The following DERA variants were observed in gnomAD, a reference collection of about 807,000 sequenced individuals.
DERA encodes 2-deoxy-D-ribose 5-phosphate aldolase.
Under a neutral mutation model 41.1 loss-of-function variants are expected in DERA, and 15 were observed. That is an observed-to-expected ratio of 0.37 (90% CI 0.24 to 0.56). The LOEUF (loss-of-function observed/expected upper bound fraction) is 0.56, where lower values mean the gene tolerates loss of function less well. DERA is among the 20% of genes least tolerant of loss of function. The pLI is 0.81. For missense variants in DERA, 396 were observed against 403.4 expected, an observed-to-expected ratio of 0.98 and a Z score of 0.16; for synonymous variants, 139 against 137.4, an observed-to-expected ratio of 1.01 and a Z score of -0.08.
Position 15,953,206 on chromosome 12 carries a change from T to C in DERA, c.32-3730T>C, listed in dbSNP as rs111754904. Among the ~76,000 whole-genome samples, 358 of 152,322 alleles carry C rather than the reference T, an allele frequency of 2.4e-3. 3 individuals are homozygous for C. Among genetic ancestry groups the C allele is most frequent in the African/African-American group, 8.2e-3 (341 of 41,586 alleles). On this transcript the variant is annotated intron_variant, in intron 1 of 8. Transcript: ENST00000428559. ...TGGATAAGCCTACTGTGACCTACCC[T>C]TCCTCTGAACTTGACTTTTTATCCA...
chr12:16,029,901 T>A (rs986931296), intron 6 of DERA, among the ~76,000 whole-genome samples: 1 of 144,148 alleles, frequency 6.9e-6, no homozygotes, highest in African/African-American at 2.5e-5. Context: ...GACCTCCAAA[T>A]GTAGCCTTGG....
In DERA at chr12:15,941,385, T is replaced by A. The variant is rs575342945; in HGVS notation, c.32-15551T>A. Reference sequence around the variant, plus strand: ...CCGTCTGTAGCCACAATTTTTTTTTTAATTTCAATAGTTTTTGAGGTACAG... The same window carrying A: ...CCGTCTGTAGCCACAATTTTTTTTTAAATTTCAATAGTTTTTGAGGTACAG... On this transcript the variant is annotated intron_variant, in intron 1 of 8. Transcript: ENST00000428559. This position sits in a 1 kb window ranked among gnomAD's most constrained non-coding sequence, Gnocchi z 4.5. 2.7e-4 allele frequency among the ~76,000 whole-genome samples: 41 copies of A among 152,276 alleles called. No homozygotes were observed. The highest frequency in any genetic ancestry group is 5.3e-4 in the African/African-American group (22 of 41,562).
In DERA at chr12:15,993,678, T is replaced by G. The variant is rs1209331472; in HGVS notation, c.637+11242T>G. The stretch of plus-strand genomic sequence containing the variant: ...AAACTAGCCCTGGAAATTAGACTAC[T>G]TATAGGGTGAAAACTAATTAACTTG... On this transcript the variant is annotated intron_variant, in intron 6 of 8. Coordinates refer to ENST00000428559, the MANE Select transcript of DERA (RefSeq NM_015954.4). The surrounding 1 kb of genome is among the most constrained non-coding windows in gnomAD (Gnocchi z 4.4). Among the ~76,000 whole-genome samples, 1 of 152,158 alleles carries G rather than the reference T, an allele frequency of 6.6e-6. No homozygotes were observed. The highest frequency in any genetic ancestry group is 1.5e-5 in the Non-Finnish European group (1 of 68,030).
At chr12:16,025,842 A>G (rs1949049677) in intron 6 of DERA, among the ~76,000 whole-genome samples, 1 of 152,132 alleles carries the variant, frequency 6.6e-6, no homozygotes, top group Non-Finnish European at 1.5e-5. Context: ...TGAAAATCAC[A>G]CAAAATATGT....
At position 15,957,188 on chromosome 12, in the gene DERA, G is replaced by A. The variant is rs1948546850; in HGVS notation, c.129+155G>A. On this transcript the variant is annotated intron_variant, in intron 2 of 8. Coordinates refer to ENST00000428559, the MANE Select transcript of DERA (RefSeq NM_015954.4). The surrounding 1 kb of genome is among the most constrained non-coding windows in gnomAD (Gnocchi z 4.8). ...TTAATAATTCATATATGATGATGAT[G>A]GGTTGGAGAAAGATAACACATTTAT... Among the ~76,000 whole-genome samples, 1 of 152,134 alleles carries A rather than the reference G, an allele frequency of 6.6e-6. No homozygotes were observed.
In DERA at chr12:15,911,821, T is replaced by C; in HGVS notation, c.31+407T>C. On this transcript the variant is annotated intron_variant, in intron 1 of 8. Transcript: ENST00000428559. The surrounding 1 kb of genome is among the most constrained non-coding windows in gnomAD (Gnocchi z 4.5). ...ATACTTGTGTAATTTAATGCAGTAT[T>C]TCCGTAGATAATTTTAACCGTAACC... The C allele has an allele frequency of 2.1e-6, 1 of 473,132 alleles. No individual in the cohort carries two copies. Among genetic ancestry groups the C allele is most frequent in the Non-Finnish European group, 4.2e-6 (1 of 239,426 alleles). 29.3% of individuals were successfully genotyped at this position (473,132 alleles called of 1,614,324 possible). A position where few individuals can be genotyped will look rare whatever the true frequency, so the allele number is the denominator to read the frequency against.
chr12:15,934,553 C>T (rs1948352084), intron 1 of DERA, among the ~76,000 whole-genome samples: 1 of 151,804 alleles, frequency 6.6e-6, no homozygotes, highest in South Asian at 2.1e-4. Flanking sequence ...CGTGCCACTG[C>T]ACTCCAGCCT....
rs975998278 is a variant in DERA at position 15,999,552 on chromosome 12, A to G, written c.637+17116A>G. Among the ~76,000 whole-genome samples the G allele has an allele frequency of 1.3e-5, 2 of 152,190 alleles. No homozygotes were observed. Among genetic ancestry groups the G allele is most frequent in the Admixed American group, 1.3e-4 (2 of 15,284 alleles). ...ATACAGAGAAAGGCATTTTGGGCTG[A>G]GAGTCACTGGCTCTCATAGAGAGAT... On this transcript the variant is annotated intron_variant, in intron 6 of 8. Coordinates refer to ENST00000428559, the MANE Select transcript of DERA (RefSeq NM_015954.4). The surrounding 1 kb of genome is among the most constrained non-coding windows in gnomAD (Gnocchi z 5.3).
chr12:16,034,123 G>C (rs953999400), intron 7 of DERA, among the ~76,000 whole-genome samples: 4 of 152,172 alleles, frequency 2.6e-5, no homozygotes, highest in African/African-American at 7.2e-5. Flanking sequence ...CCCATCCCTG[G>C]TGGTTTTGGG....
rs1948355182 is a variant in DERA at position 15,935,046 on chromosome 12, C to G, written c.32-21890C>G. 6.6e-6 allele frequency among the ~76,000 whole-genome samples: 1 copy of G among 152,084 alleles called. No individual in the cohort carries two copies. The highest frequency in any genetic ancestry group is 6.5e-5 in the Admixed American group (1 of 15,268). ...TTATAGCAAATATTTCCAGAGCTAA[C>G]AAAACTCTTTGGAGGAGAGTTTGGA... is the stretch of plus-strand genomic sequence containing the variant. On this transcript the variant is annotated intron_variant, in intron 1 of 8. Coordinates refer to ENST00000428559, the MANE Select transcript of DERA (RefSeq NM_015954.4). This position sits in a 1 kb window ranked among gnomAD's most constrained non-coding sequence, Gnocchi z 4.8.
At position 15,931,783 on chromosome 12, in the gene DERA, G is replaced by C. The variant is rs768178136; in HGVS notation, c.31+20369G>C. 6.6e-6 allele frequency among the ~76,000 whole-genome samples: 1 copy of C among 152,148 alleles called. No homozygotes were observed. Among genetic ancestry groups the C allele is most frequent in the Non-Finnish European group, 1.5e-5 (1 of 68,026 alleles). On this transcript the variant is annotated intron_variant, in intron 1 of 8. Coordinates refer to ENST00000428559, the MANE Select transcript of DERA (RefSeq NM_015954.4). This position sits in a 1 kb window ranked among gnomAD's most constrained non-coding sequence, Gnocchi z 4.6. ...CTCTGGGGAGGGAGTGGGTGAGTGA[G>C]TTCTTGCTCTCTTGGGAATAGATTA...
chr12:15,946,880 T>G (rs1948454116), intron 1 of DERA, among the ~76,000 whole-genome samples: 1 of 152,248 alleles, frequency 6.6e-6, no homozygotes, highest in African/African-American at 2.4e-5. Flanking sequence ...TAAATTTCAC[T>G]CTACACACTG....
At chr12:15,942,639 C>CTG (rs1246486453) in intron 1 of DERA, among the ~76,000 whole-genome samples, 2 of 152,162 alleles carry the variant, frequency 1.3e-5, no homozygotes, top group Admixed American at 1.3e-4. Flanking sequence ...TCTGAGTACC[C>CTG]TCAGTAATCA....
chr12:15,941,042 GT>G lies in DERA; in HGVS notation c.32-15889del, dbSNP rs2136136193. ...TTTTGTGAGGTCATTGTAACTGATA[GT>G]TTTTGTTGTTGTTGTAGAATTAAAA... On this transcript the variant is annotated intron_variant, in intron 1 of 8. Transcript: ENST00000428559. This position sits in a 1 kb window ranked among gnomAD's most constrained non-coding sequence, Gnocchi z 4.5. Among the ~76,000 whole-genome samples the G allele has an allele frequency of 6.6e-6, 1 of 152,276 alleles. No individual in the cohort carries two copies. Among genetic ancestry groups the G allele is most frequent in the East Asian group, 1.9e-4 (1 of 5,182 alleles).
chr12:15,966,111 G>T lies in DERA; in HGVS notation c.508+3164G>T, dbSNP rs7969219. On this transcript the variant is annotated intron_variant, in intron 5 of 8. Transcript: ENST00000428559. The surrounding 1 kb of genome is among the most constrained non-coding windows in gnomAD (Gnocchi z 5.1). ...AAATTCTGAAAAGAAGGCCCGATGC[G>T]GTGGCTCACACCTGTAATCCCAGCA... Among the ~76,000 whole-genome samples the T allele has an allele frequency of 2.0e-5, 3 of 152,062 alleles. No individual in the cohort carries two copies. The highest frequency in any genetic ancestry group is 2.9e-5 in the Non-Finnish European group (2 of 68,026).
In DERA at chr12:15,990,534, ATTAT is replaced by A. The variant is rs1948794784; in HGVS notation, c.637+8101_637+8104del. Reference sequence around the variant, plus strand: ...TGTGTCATGGGGTTTTGTTGTACAGATTATTTCCTTACCCAGATGTTAATCTGAG... The same window carrying A: ...TGTGTCATGGGGTTTTGTTGTACAGATTCCTTACCCAGATGTTAATCTGAG... On this transcript the variant is annotated intron_variant, in intron 6 of 8. Coordinates refer to ENST00000428559, the MANE Select transcript of DERA (RefSeq NM_015954.4). This position sits in a 1 kb window ranked among gnomAD's most constrained non-coding sequence, Gnocchi z 4.3. 1.3e-5 allele frequency among the ~76,000 whole-genome samples: 2 copies of A among 152,142 alleles called. No individual in the cohort carries two copies. The highest frequency in any genetic ancestry group is 4.1e-4 in the South Asian group (2 of 4,822).
Position 15,940,629 on chromosome 12 carries a change from G to T in DERA, c.32-16307G>T, listed in dbSNP as rs151073299. On this transcript the variant is annotated intron_variant, in intron 1 of 8. Transcript: ENST00000428559. The surrounding 1 kb of genome is among the most constrained non-coding windows in gnomAD (Gnocchi z 5.1). ...ACCTCCCAAAATGCTGGGATTACAG[G>T]CGTGAGCCACCGCATCCGGCCTGCT... Among the ~76,000 whole-genome samples the T allele has an allele frequency of 6.6e-6, 1 of 152,146 alleles. No homozygotes were observed. The highest frequency in any genetic ancestry group is 1.9e-4 in the East Asian group (1 of 5,190).
Position 15,988,530 on chromosome 12 carries a change from G to A in DERA, c.637+6094G>A, listed in dbSNP as rs1948780445. Among the ~76,000 whole-genome samples the A allele has an allele frequency of 6.6e-6, 1 of 152,166 alleles. No individual in the cohort carries two copies. On this transcript the variant is annotated intron_variant, in intron 6 of 8. Transcript: ENST00000428559. The surrounding 1 kb of genome is among the most constrained non-coding windows in gnomAD (Gnocchi z 6.0). ...AGTGTGTGAGTCTGACTGAGTCTGA[G>A]GTTTTTATATGCTCAGAATGAAGGA... is the stretch of plus-strand genomic sequence containing the variant.
At chr12:16,005,313 A>G (rs934026322) in intron 6 of DERA, among the ~76,000 whole-genome samples, 2 of 152,096 alleles carry the variant, frequency 1.3e-5, no homozygotes, top group African/African-American at 4.8e-5. Context: ...GGGCACGGTA[A>G]GGCGCACCTA....
Sources: allele counts gnomAD v4.1 joint callset (sites outside exome capture counted in the v4.1 genomes callset), GRCh38; gene constraint gnomAD v4.1.1; non-coding constraint Gnocchi (gnomAD v3.1); transcripts MANE v1.5; gene names NCBI Gene and HGNC (gene_info 2026-07-23, HGNC 2026-07-21).